RTL4: variants seen among roughly 807,000 people sequenced by gnomAD.
RTL4 encodes the protein retrotransposon Gag like 4.
A neutral mutation model predicts 5.3 loss-of-function variants in RTL4; 4 were observed. The ratio of observed to expected loss-of-function variants is 0.75; its 90% CI spans 0.37 to 1.72. The LOEUF (loss-of-function observed/expected upper bound fraction) is 1.72, where lower values mean the gene tolerates loss of function less well. RTL4 is among the 40% of genes most tolerant of loss of function. The pLI is 0.04. For synonymous variants in RTL4, 98 were observed against 87.3 expected (o/e 1.12, Z -0.68); for missense variants, 260 against 227.1 (o/e 1.14, Z -0.93).
chrX:112,327,703 G>A, the RTL4 span, among the ~76,000 whole-genome samples: 2 of 110,585 alleles, frequency 1.8e-5, no homozygotes, highest in African/African-American at 6.6e-5. Context: ...ACACATAATT[G>A]TCAGATTCAC....
At chrX:112,192,943 G>A in the RTL4 span, among the ~76,000 whole-genome samples, 1 of 111,707 alleles carries the variant, frequency 9.0e-6, no homozygotes, top group Admixed American at 9.5e-5. Context: ...AGGTATACTA[G>A]TAATGAACTT....
chrX:112,357,108 G>A, the RTL4 span, among the ~76,000 whole-genome samples: 6 of 111,447 alleles, frequency 5.4e-5, no homozygotes, highest in Admixed American at 5.8e-4. Context: ...CACTGGAACA[G>A]AGAATTCAAA....
At chrX:112,116,357 C>T in the RTL4 span, among the ~76,000 whole-genome samples, 1 of 110,898 alleles carries the variant, frequency 9.0e-6, no homozygotes, top group Non-Finnish European at 1.9e-5. Context: ...AGTGTTACAG[C>T]TCTTAAAGGT....
chrX:112,362,259 G>A, the RTL4 span, among the ~76,000 whole-genome samples: 5 of 111,901 alleles, frequency 4.5e-5, no homozygotes. Context: ...TGGACGTAGA[G>A]CAATGAACAA....
the RTL4 span, among the ~76,000 whole-genome samples, chrX:112,235,195 T>A: frequency 8.9e-6 from 1 of 112,074 alleles, no homozygotes; most frequent in East Asian, 2.8e-4. Context: ...GTCACCACTT[T>A]TCCTTTGCAG....
the RTL4 span, among the ~76,000 whole-genome samples, chrX:112,444,008 T>G: frequency 8.9e-6 from 1 of 111,886 alleles, no homozygotes; most frequent in African/African-American, 3.2e-5. Context: ...ACTCAATAAA[T>G]TTTTGCCCAG....
the RTL4 span, among the ~76,000 whole-genome samples, chrX:112,198,087 T>C: frequency 9.0e-6 from 1 of 111,568 alleles, no homozygotes. Flanking sequence ...AAAAAAAATG[T>C]GACTAAGCAG....
At chrX:112,349,517 T>A in the RTL4 span, among the ~76,000 whole-genome samples, 1 of 107,912 alleles carries the variant, frequency 9.3e-6, no homozygotes, top group East Asian at 2.9e-4. Context: ...CTTCCATTTG[T>A]TTGTATCCTC....
chrX:112,303,959 C>T, the RTL4 span, among the ~76,000 whole-genome samples: 1 of 110,567 alleles, frequency 9.0e-6, no homozygotes, highest in Non-Finnish European at 1.9e-5. Flanking sequence ...ATAATTGCTA[C>T]CTACTGACTT....
chrX:112,104,486 A>G, the RTL4 span, among the ~76,000 whole-genome samples: 2 of 111,603 alleles, frequency 1.8e-5, no homozygotes, highest in Non-Finnish European at 3.8e-5. Flanking sequence ...GTGTTTCATA[A>G]TGGCTATACT....
chrX:112,438,631 C>A, the RTL4 span, among the ~76,000 whole-genome samples: 1 of 112,637 alleles, frequency 8.9e-6, no homozygotes, highest in Non-Finnish European at 1.9e-5. Flanking sequence ...ACAAACTCTT[C>A]TTCCAGTACT....
the RTL4 span, among the ~76,000 whole-genome samples, chrX:112,431,392 T>C: frequency 8.9e-6 from 1 of 112,208 alleles, no homozygotes; most frequent in Non-Finnish European, 1.9e-5. Context: ...GAGGACCTAG[T>C]AGAGCTCCTG....
At chrX:112,333,069 G>A in the RTL4 span, among the ~76,000 whole-genome samples, 2 of 107,879 alleles carry the variant, frequency 1.9e-5, no homozygotes, top group Non-Finnish European at 3.8e-5. Flanking sequence ...CTGTCTTCTG[G>A]TTACTCCTTC....
the RTL4 span, among the ~76,000 whole-genome samples, chrX:112,267,881 T>A: frequency 9.0e-6 from 1 of 111,551 alleles, no homozygotes; most frequent in Non-Finnish European, 1.9e-5. Context: ...TTCTCATCAT[T>A]TTTATTGCCA....
the RTL4 span, among the ~76,000 whole-genome samples, chrX:112,309,525 G>A: frequency 5.5e-5 from 6 of 109,355 alleles, no homozygotes; most frequent in East Asian, 8.8e-4. Flanking sequence ...ATCTCACTTC[G>A]TTTACCAGGC....
At chrX:112,348,577 T>C in the RTL4 span, among the ~76,000 whole-genome samples, 1 of 110,535 alleles carries the variant, frequency 9.0e-6, no homozygotes, top group Non-Finnish European at 1.9e-5. Context: ...CATGACTAGA[T>C]TGTTGCCATC....
At chrX:112,454,483 T>C (rs879072233), upstream of RTL4, 1 of 342,059 alleles carries the variant, frequency 2.9e-6, no homozygotes, top group South Asian at 9.6e-5. Context: ...AGGTAACTTA[T>C]TTCTTCCAAA....
the RTL4 span, among the ~76,000 whole-genome samples, chrX:112,263,756 T>G: frequency 1.8e-5 from 2 of 111,629 alleles, no homozygotes; most frequent in African/African-American, 3.3e-5. Context: ...TGAAGTGTCC[T>G]CACCCCTCCC....
At chrX:112,358,135 G>T in the RTL4 span, among the ~76,000 whole-genome samples, 1 of 109,482 alleles carries the variant, frequency 9.1e-6, no homozygotes, top group Non-Finnish European at 1.9e-5. Context: ...TTTAGGCAGG[G>T]TCTCACTCTG....
Sources: allele counts gnomAD v4.1 joint callset (sites outside exome capture counted in the v4.1 genomes callset), GRCh38; gene constraint gnomAD v4.1.1; transcripts MANE v1.5; gene names NCBI Gene and HGNC (gene_info 2026-07-23, HGNC 2026-07-21).